Variants in DCBLD1 observed in about 807,000 individuals in gnomAD.
DCBLD1 encodes discoidin, CUB and LCCL domain containing 1.
A neutral mutation model predicts 71.5 loss-of-function variants in DCBLD1; 57 were observed. That is an observed-to-expected ratio of 0.80 (90% CI 0.64 to 0.99). The LOEUF is 0.99. DCBLD1 is among the 50% of genes least tolerant of loss of function. The probability of loss-of-function intolerance (pLI) is 0.00; values close to 1 mark genes in which losing one functional copy is unlikely to be tolerated. For synonymous variants in DCBLD1, 380 were observed against 363.8 expected (o/e 1.04, Z -0.51); for missense variants, 891 against 923.5 (o/e 0.96, Z 0.46).
At chr6:117,547,451 C>T (rs1410012627) in intron 14 of DCBLD1, 7 of 430,220 alleles carry the variant, frequency 1.6e-5, no homozygotes, top group African/African-American at 6.1e-5. Context: ...GCATCATCCT[C>T]ACTGTCACCA....
chr6:117,523,216 C>G (rs943063466), intron 4 of DCBLD1, among the ~76,000 whole-genome samples: 1 of 152,060 alleles, frequency 6.6e-6, no homozygotes, highest in African/African-American at 2.4e-5. Flanking sequence ...ATTATGGTGC[C>G]AGATTATCTC....
At chr6:117,564,136 T>A (rs778608360) in intron 14 of DCBLD1, among the ~76,000 whole-genome samples, 23 of 152,038 alleles carry the variant, frequency 1.5e-4, no homozygotes, top group Non-Finnish European at 2.6e-4. Context: ...TGCCACCATG[T>A]CCAGCTATAT....
intron 1 of DCBLD1, among the ~76,000 whole-genome samples, chr6:117,483,798 A>G (rs527510672): frequency 1.3e-5 from 2 of 151,510 alleles, no homozygotes; most frequent in South Asian, 4.2e-4. Flanking sequence ...GAGCTTATTT[A>G]ATGGCGCTGA....
chr6:117,549,986 G>C (rs3734307), downstream of DCBLD1, among the ~76,000 whole-genome samples: 41 of 152,336 alleles, frequency 2.7e-4, 1 homozygote, highest in East Asian at 6.9e-3. Context: ...GTTTCCTCAT[G>C]TTTGAAAATG....
chr6:117,482,741 G>C lies in DCBLD1; in HGVS notation c.-41G>C. 1 of 1,121,130 alleles carries C rather than the reference G, an allele frequency of 8.9e-7. No individual in the cohort carries two copies. The allele number at this position is 1,121,130 out of a possible 1,614,324, so 69.4% of individuals were successfully genotyped here. A position where few individuals can be genotyped will look rare whatever the true frequency, so the allele number is the denominator to read the frequency against. On this transcript the variant is annotated 5_prime_UTR_variant, in exon 1 of 15. Transcript: ENST00000338728. ...GGGCAGCTGCGGCTCGGGATCCGTCGAGGGGAGGCCGAGCTTGCCAAGCTG... is the reference window on the plus strand; with the variant it reads ...GGGCAGCTGCGGCTCGGGATCCGTCCAGGGGAGGCCGAGCTTGCCAAGCTG...
downstream of DCBLD1, among the ~76,000 whole-genome samples, chr6:117,551,061 G>C (rs1779418826): frequency 6.6e-6 from 1 of 152,160 alleles, no homozygotes; most frequent in Non-Finnish European, 1.5e-5. Flanking sequence ...TCCCACTACA[G>C]ATCCCCTGTC....
At position 117,535,125 on chromosome 6, in the gene DCBLD1, ATTGT is replaced by A. The variant is rs1212629982; in HGVS notation, c.720-2056_720-2053del. On this transcript the variant is annotated intron_variant, in intron 6 of 14. Coordinates refer to ENST00000338728, the MANE Select transcript of DCBLD1 (RefSeq NM_001366458.2). ...CATTGAACTTATGTTCCCACACATG[ATTGT>A]TTGGCATTCAGGAAAAACCAGAGAA... Among the ~76,000 whole-genome samples the A allele has an allele frequency of 4.6e-5, 7 of 152,274 alleles. No homozygotes were observed. The South Asian group carries it at 6.2e-4, about 14-fold the overall frequency.
intron 2 of DCBLD1, among the ~76,000 whole-genome samples, chr6:117,511,169 A>T (rs1025227729): frequency 9.9e-5 from 15 of 152,212 alleles, no homozygotes; most frequent in African/African-American, 3.6e-4. Context: ...GCATAAGAAG[A>T]CCTGAGGTGT....
At chr6:117,537,481 C>CTGAGAT in intron 7 of DCBLD1, among the ~76,000 whole-genome samples, 1 of 150,490 alleles carries the variant, frequency 6.6e-6, no homozygotes, top group African/African-American at 2.4e-5. Flanking sequence ...TTGCAGTGAG[C>CTGAGAT]TGAGATTGCG....
intron 1 of DCBLD1, among the ~76,000 whole-genome samples, chr6:117,492,896 CTATT>C (rs1777342990): frequency 6.6e-6 from 1 of 152,172 alleles, no homozygotes; most frequent in African/African-American, 2.4e-5. Context: ...GCTTCCCATC[CTATT>C]TCTTTGTTTA....
intron 5 of DCBLD1, among the ~76,000 whole-genome samples, chr6:117,526,298 C>T (rs1163282229): frequency 1.3e-5 from 2 of 152,128 alleles, no homozygotes; most frequent in Non-Finnish European, 2.9e-5. Context: ...ACAAGATTGA[C>T]ACTGGATACT....
intron 4 of DCBLD1, among the ~76,000 whole-genome samples, chr6:117,523,409 G>C (rs1219974601): frequency 6.6e-6 from 1 of 152,208 alleles, no homozygotes. Flanking sequence ...AATTGGACTA[G>C]ATTAACATGT....
At chr6:117,540,635 G>A (rs376669098) in intron 9 of DCBLD1, 33 bp from the exon 10 acceptor site, 31 of 1,612,928 alleles carry the variant, frequency 1.9e-5, no homozygotes, top group Non-Finnish European at 2.0e-5. Context: ...CTCACTAATA[G>A]AATCTTAAGG....
At chr6:117,550,890 A>G (rs1156838676), downstream of DCBLD1, among the ~76,000 whole-genome samples, 1 of 152,192 alleles carries the variant, frequency 6.6e-6, no homozygotes, top group African/African-American at 2.4e-5. Context: ...TTGAAAGAGA[A>G]TGCCTAGTCT....
Position 117,549,075 on chromosome 6 carries a change from A to G in DCBLD1, c.*636A>G, listed in dbSNP as rs1779374611. ...AGCAATTATGACTGTAGATTTAAAAACAAGCAAAGAAACAACACCTCAGCA... is the reference window on the plus strand; with the variant it reads ...AGCAATTATGACTGTAGATTTAAAAGCAAGCAAAGAAACAACACCTCAGCA... On this transcript the variant is annotated 3_prime_UTR_variant, in exon 15 of 15. Transcript: ENST00000338728. The G allele has an allele frequency of 2.0e-6, 2 of 985,816 alleles. No individual in the cohort carries two copies. The highest frequency in any genetic ancestry group is 2.4e-6 in the Non-Finnish European group (2 of 830,360). The allele number at this position is 985,816 out of a possible 1,614,324, so 61.1% of individuals were successfully genotyped here.
At chr6:117,506,872 A>G (rs1777861375) in intron 2 of DCBLD1, among the ~76,000 whole-genome samples, 1 of 152,242 alleles carries the variant, frequency 6.6e-6, no homozygotes. Flanking sequence ...GAGAGAATGC[A>G]TGTTCTGGAA....
chr6:117,559,420 T>A (rs955796761), intron 14 of DCBLD1, among the ~76,000 whole-genome samples: 1 of 152,070 alleles, frequency 6.6e-6, no homozygotes, highest in Admixed American at 6.6e-5. Context: ...CATCGTGGAG[T>A]GCTCCAGCTA....
At chr6:117,515,099 A>T (rs1256933265) in intron 2 of DCBLD1, among the ~76,000 whole-genome samples, 1 of 149,774 alleles carries the variant, frequency 6.7e-6, no homozygotes, top group Non-Finnish European at 1.5e-5. Context: ...GGCTCACTGC[A>T]ACCTCCACCC....
chr6:117,535,100 C>T lies in DCBLD1; in HGVS notation c.720-2085C>T, dbSNP rs142264696. Among the ~76,000 whole-genome samples, 14 of 152,312 alleles carry T rather than the reference C, an allele frequency of 9.2e-5. No homozygotes were observed. The East Asian group carries it at 2.7e-3, about 29-fold the overall frequency. On this transcript the variant is annotated intron_variant, in intron 6 of 14. Coordinates refer to ENST00000338728, the MANE Select transcript of DCBLD1 (RefSeq NM_001366458.2). ...CCTGGGGAAACACTGTACATGCGGTCATTGAACTTATGTTCCCACACATGA... is the reference window on the plus strand; with the variant it reads ...CCTGGGGAAACACTGTACATGCGGTTATTGAACTTATGTTCCCACACATGA...
Sources: gnomAD v4.1 joint callset for allele counts (sites outside exome capture counted in the v4.1 genomes callset) on GRCh38, gnomAD v4.1.1 for gene constraint, MANE v1.5 for transcripts, NCBI Gene and HGNC (gene_info 2026-07-23, HGNC 2026-07-21) for gene names.